NECTIN3: variants seen among roughly 807,000 people sequenced by gnomAD.
NECTIN3 encodes nectin cell adhesion molecule 3.
NECTIN3 carries 8 observed loss-of-function variants against 49.4 expected under a neutral mutation model. The observed-to-expected ratio is 0.16, with a 90% CI of 0.10 to 0.29. NECTIN3 has a LOEUF of 0.29. Ranked by LOEUF, NECTIN3 falls within the 10% of genes least tolerant of loss-of-function variation. NECTIN3 has a pLI of 1.00. For synonymous variants in NECTIN3, 277 were observed against 241.1 expected, an observed-to-expected ratio of 1.15 and a Z score of -1.38; for missense variants, 581 against 654.6, an observed-to-expected ratio of 0.89 and a Z score of 1.23.
intron 2 of NECTIN3, among the ~76,000 whole-genome samples, chr3:111,118,272 AT>A: frequency 1.5e-5 from 2 of 135,810 alleles, no homozygotes; most frequent in Admixed American, 1.5e-4. Context: ...ATATATATAT[AT>A]ATATATATAT....
intron 7 of NECTIN3, among the ~76,000 whole-genome samples, chr3:111,148,716 A>T (rs570935664): frequency 6.6e-5 from 10 of 151,946 alleles, no homozygotes; most frequent in Admixed American, 2.6e-4. Context: ...ATCTTTTTGT[A>T]TCATTTTTCA....
At chr3:111,191,570 A>G (rs1177196680), upstream of NECTIN3, among the ~76,000 whole-genome samples, 1 of 151,432 alleles carries the variant, frequency 6.6e-6, no homozygotes, top group African/African-American at 2.4e-5. Context: ...AAGTTTGAAA[A>G]TGAACTCCCT....
At chr3:111,075,452 G>A (rs1450371351) in intron 1 of NECTIN3, among the ~76,000 whole-genome samples, 1 of 151,968 alleles carries the variant, frequency 6.6e-6, no homozygotes, top group Non-Finnish European at 1.5e-5. Flanking sequence ...TTACTACCTT[G>A]CTGATGGAGA....
intron 1 of NECTIN3, among the ~76,000 whole-genome samples, chr3:111,102,904 CT>C (rs2032985975): frequency 6.6e-6 from 1 of 152,062 alleles, no homozygotes; most frequent in African/African-American, 2.4e-5. Context: ...TTGAAAAGAT[CT>C]TTTCTTTATT....
At chr3:111,120,663 A>G (rs888069806) in intron 3 of NECTIN3, among the ~76,000 whole-genome samples, 6 of 152,100 alleles carry the variant, frequency 3.9e-5, no homozygotes, top group African/African-American at 1.4e-4. Flanking sequence ...TGGCAGAGGT[A>G]AAGACTGATC....
At chr3:111,126,575 G>A (rs1007772692) in intron 5 of NECTIN3, among the ~76,000 whole-genome samples, 1 of 152,038 alleles carries the variant, frequency 6.6e-6, no homozygotes, top group African/African-American at 2.4e-5. Flanking sequence ...ACTTTTTGAT[G>A]CCTGTACATA....
chr3:111,075,768 G>A (rs1452366772), intron 1 of NECTIN3, among the ~76,000 whole-genome samples: 1 of 152,078 alleles, frequency 6.6e-6, no homozygotes, highest in Non-Finnish European at 1.5e-5. Context: ...TACTTCAATT[G>A]TATAATTGTA....
chr3:111,111,899 ATGTG>A (rs10581136), intron 1 of NECTIN3, 127 bp from the exon 2 acceptor site: 52,132 of 577,682 alleles, frequency 0.09, 1,218 homozygotes, highest in African/African-American at 0.17. Flanking sequence ...GTGTGTGTGC[ATGTG>A]TGTGTGTGTG....
chr3:111,169,079 C>CTTTTTTTTTTTT (rs142606359), intron 7 of NECTIN3, among the ~76,000 whole-genome samples: 1 of 104,106 alleles, frequency 9.6e-6, no homozygotes, highest in African/African-American at 4.5e-5. Flanking sequence ...ACTATTCAAA[C>CTTTTTTTTTTTT]TTTTTTTTTT....
chr3:111,101,149 G>A (rs112506437), intron 1 of NECTIN3, among the ~76,000 whole-genome samples: 9 of 152,110 alleles, frequency 5.9e-5, no homozygotes, highest in African/African-American at 1.7e-4. Flanking sequence ...CTAAAGTTTT[G>A]TGCTTCTCTT....
In NECTIN3 at chr3:111,136,600, A is replaced by G. The variant is rs962076663; in HGVS notation, c.*2385A>G. 99 of 925,976 alleles carry G rather than the reference A, an allele frequency of 1.1e-4. No individual in the cohort carries two copies. Among genetic ancestry groups the G allele is most frequent in the Non-Finnish European group, 1.3e-4 (98 of 776,022 alleles). 57.4% of individuals were successfully genotyped at this position (925,976 alleles called of 1,614,324 possible). On this transcript the variant is annotated 3_prime_UTR_variant, in exon 6 of 6. Transcript: ENST00000485303. The stretch of plus-strand genomic sequence containing the variant: ...ACATGAATAGTCATTAAATAAAGAC[A>G]TTGTTAAATTAGTTTTTGAATACCA...
At chr3:111,165,299 T>TC (rs1317765505) in intron 7 of NECTIN3, among the ~76,000 whole-genome samples, 1 of 152,136 alleles carries the variant, frequency 6.6e-6, no homozygotes, top group Admixed American at 6.5e-5. Context: ...CACCTCGGCC[T>TC]CCCAAAGTGC....
At chr3:111,169,079 C>CTTTTTT (rs142606359) in intron 7 of NECTIN3, among the ~76,000 whole-genome samples, 22 of 104,134 alleles carry the variant, frequency 2.1e-4, no homozygotes, top group African/African-American at 5.0e-4. Flanking sequence ...ACTATTCAAA[C>CTTTTTT]TTTTTTTTTT....
chr3:111,142,840 A>T (rs2034782069), intron 5 of NECTIN3, among the ~76,000 whole-genome samples: 1 of 151,914 alleles, frequency 6.6e-6, no homozygotes, highest in Non-Finnish European at 1.5e-5. Context: ...TCAAAATAAG[A>T]ACAAAAATTT....
downstream of NECTIN3, among the ~76,000 whole-genome samples, chr3:111,138,387 T>C (rs183794825): frequency 6.6e-6 from 1 of 151,742 alleles, no homozygotes; most frequent in East Asian, 1.9e-4. Context: ...AAACCAACTT[T>C]CATCTGTTTT....
intron 1 of NECTIN3, among the ~76,000 whole-genome samples, chr3:111,079,972 G>A (rs895320033): frequency 6.6e-6 from 1 of 151,884 alleles, no homozygotes; most frequent in African/African-American, 2.4e-5. Flanking sequence ...TTTTCAAGGT[G>A]TTGCATTGTT....
chr3:111,175,640 T>C lies in NECTIN3; in HGVS notation c.1222-16711T>C, dbSNP rs79801000. Among the ~76,000 whole-genome samples the C allele has an allele frequency of 1.2e-3, 190 of 152,270 alleles. 7 individuals carry two copies. In the East Asian group the frequency reaches 0.029, roughly 23 times the overall value. On this transcript the variant is annotated intron_variant, in intron 7 of 8. Coordinates refer to the NECTIN3 transcript ENST00000493615. ...TCACCTCTGTAGAGCTCAGTTCTCA[T>C]AGACACAGAACCACAATTCTCATCA...
At chr3:111,145,549 A>AT (rs969846484) in intron 6 of NECTIN3, among the ~76,000 whole-genome samples, 6 of 152,156 alleles carry the variant, frequency 3.9e-5, no homozygotes, top group African/African-American at 1.4e-4. Flanking sequence ...AATAAGCAAT[A>AT]TTTTTGACCT....
At chr3:111,082,316 G>T (rs1241697987) in intron 1 of NECTIN3, among the ~76,000 whole-genome samples, 1 of 152,052 alleles carries the variant, frequency 6.6e-6, no homozygotes, top group Non-Finnish European at 1.5e-5. Flanking sequence ...GTGAAACTGG[G>T]AATTATCAGG....
Sources: gnomAD v4.1 joint callset for allele counts (sites outside exome capture counted in the v4.1 genomes callset) on GRCh38, gnomAD v4.1.1 for gene constraint, MANE v1.5 for transcripts, NCBI Gene and HGNC (gene_info 2026-07-23, HGNC 2026-07-21) for gene names.